The following SOD2 variants were observed in gnomAD, a reference collection of about 807,000 sequenced individuals.
The protein encoded by SOD2 is superoxide dismutase [Mn], mitochondrial.
A neutral mutation model predicts 27.0 loss-of-function variants in SOD2; 11 were observed. That is an observed-to-expected ratio of 0.41 (90% confidence interval 0.26 to 0.67). The LOEUF is 0.67. Among genes scored for constraint, SOD2 ranks in the 30% least tolerant of loss-of-function variants. SOD2 has a pLI of 0.34. For synonymous variants in SOD2, 105 were observed against 103.0 expected, an observed-to-expected ratio of 1.02 and a Z score of -0.12; for missense variants, 250 against 274.5, an observed-to-expected ratio of 0.91 and a Z score of 0.63.
At chr6:159,721,617 C>G (rs1348628826) in intron 1 of SOD2, among the ~76,000 whole-genome samples, 1 of 151,616 alleles carries the variant, frequency 6.6e-6, no homozygotes, top group Non-Finnish European at 1.5e-5. Flanking sequence ...ATCTGCCTGC[C>G]TTGGCCTCCC....
In SOD2 at chr6:159,672,608, G is replaced by A. The variant is rs1447735042; in HGVS notation, c.*9885C>T. The A allele has an allele frequency of 1.3e-5, 2 of 152,142 alleles. No individual in the cohort carries two copies. Among genetic ancestry groups the A allele is most frequent in the Non-Finnish European group, 2.9e-5 (2 of 68,034 alleles). 9.4% of individuals were successfully genotyped at this position (152,142 alleles called of 1,614,324 possible). ...CTGAAGGAAGCACTAAACATGGAAT[G>A]GAACAACCAGTATCAGCCACTGCAA... On this transcript the variant is annotated 3_prime_UTR_variant, in exon 5 of 5. Coordinates refer to ENST00000538183, the MANE Select transcript of SOD2 (RefSeq NM_000636.4).
intron 1 of SOD2, among the ~76,000 whole-genome samples, chr6:159,732,870 C>G (rs961410290): frequency 3.9e-5 from 5 of 127,180 alleles, no homozygotes; most frequent in African/African-American, 1.8e-4. Context: ...CTCTCTCTCT[C>G]TCTGTATATA....
rs144484143 is a variant in SOD2 at position 159,711,246 on chromosome 6, T to C, written c.-116+15883A>G. Among the ~76,000 whole-genome samples, 244 of 26,498 alleles carry C rather than the reference T, an allele frequency of 9.2e-3. 25 individuals carry two copies. Among genetic ancestry groups the C allele is most frequent in the Non-Finnish European group, 0.012 (175 of 15,110 alleles). 17.4% of individuals were successfully genotyped at this position (26,498 alleles called of 152,430 possible). A position where few individuals can be genotyped will look rare whatever the true frequency, so the allele number is the denominator to read the frequency against. On this transcript the variant is annotated intron_variant, in intron 1 of 2. Transcript: ENST00000401980. ...ACCACCTCCACAACCACCACTCACA[T>C]TGCTCTGATCACCATAACCACCTCC...
At chr6:159,728,483 A>G (rs192455060), upstream of SOD2, among the ~76,000 whole-genome samples, 205 of 152,346 alleles carry the variant, frequency 1.3e-3, no homozygotes, top group African/African-American at 4.7e-3. Context: ...GTATGTTACA[A>G]TTGGAAGTTG....
chr6:159,702,611 T>A (rs543617614), intron 1 of SOD2, among the ~76,000 whole-genome samples: 2 of 134,564 alleles, frequency 1.5e-5, no homozygotes, highest in East Asian at 4.3e-4. Context: ...AAACAATTTT[T>A]TAAAACCTCA....
Position 159,672,591 on chromosome 6 carries a change from A to G in SOD2, c.*9902T>C, listed in dbSNP as rs1162064900. ...CTGCCTTACAAGAGCTCCTGAAGGA[A>G]GCACTAAACATGGAATGGAACAACC... On this transcript the variant is annotated 3_prime_UTR_variant, in exon 5 of 5. Transcript: ENST00000538183. 1.3e-5 allele frequency: 2 copies of G among 152,226 alleles called. No homozygotes were observed. Among genetic ancestry groups the G allele is most frequent in the East Asian group, 3.8e-4 (2 of 5,208 alleles). 9.4% of individuals were successfully genotyped at this position (152,226 alleles called of 1,614,324 possible). A position where few individuals can be genotyped will look rare whatever the true frequency, so the allele number is the denominator to read the frequency against.
intron 1 of SOD2, chr6:159,712,765 A>G (rs1271337392): frequency 2.1e-6 from 1 of 486,734 alleles, no homozygotes; most frequent in Non-Finnish European, 4.1e-6. Flanking sequence ...CACCTCCACA[A>G]CCACCACTCA....
At chr6:159,712,161 C>T (rs534314932) in intron 1 of SOD2, among the ~76,000 whole-genome samples, 2,932 of 44,834 alleles carry the variant, frequency 0.065, 466 homozygotes, top group Admixed American at 0.13. Flanking sequence ...GCTGCTCTGA[C>T]CACCATAACC....
intron 1 of SOD2, chr6:159,713,479 CTG>C (rs1777868853): frequency 3.0e-6 from 2 of 662,490 alleles, no homozygotes; most frequent in East Asian, 2.6e-5. Flanking sequence ...TATTCTTTCC[CTG>C]TGTTTCTTCA....
intron 2 of SOD2, among the ~76,000 whole-genome samples, chr6:159,689,955 G>A (rs1306240844): frequency 7.5e-5 from 11 of 146,952 alleles, no homozygotes; most frequent in Non-Finnish European, 1.5e-4. Context: ...GCAATACTCC[G>A]TCACAGAAAA....
intron 1 of SOD2, among the ~76,000 whole-genome samples, chr6:159,721,118 A>G (rs933291700): frequency 4.7e-5 from 7 of 149,974 alleles, no homozygotes; most frequent in Admixed American, 1.3e-4. Context: ...CCCAGGCTGG[A>G]GTGCAATGGC....
intron 1 of SOD2, chr6:159,753,629 T>A: frequency 6.3e-7 from 1 of 1,590,052 alleles, no homozygotes; most frequent in Non-Finnish European, 8.6e-7. Context: ...GGGGTTTGTT[T>A]CTTTTTGGAA....
Position 159,682,489 on chromosome 6 carries a change from T to C in SOD2, c.*4A>G. On this transcript the variant is annotated 3_prime_UTR_variant, in exon 5 of 5. Transcript: ENST00000538183. ...CTTAACATACTCAGCATAACGATCG[T>C]GGTTTACTTTTTGCAAGCCATGTAT... is the stretch of plus-strand genomic sequence containing the variant. 6.2e-7 allele frequency: 1 copy of C among 1,613,218 alleles called. No individual in the cohort carries two copies. Among genetic ancestry groups the C allele is most frequent in the Non-Finnish European group, 8.5e-7 (1 of 1,179,558 alleles).
chr6:159,749,108 T>C (rs1426026828), upstream of SOD2: 5 of 986,350 alleles, frequency 5.1e-6, no homozygotes, highest in Non-Finnish European at 3.6e-6. Flanking sequence ...GTTTGTTCTT[T>C]GAATGGTTGC....
At chr6:159,729,571 T>A (rs916208923), upstream of SOD2, among the ~76,000 whole-genome samples, 3 of 134,120 alleles carry the variant, frequency 2.2e-5, no homozygotes, top group Non-Finnish European at 4.6e-5. Context: ...CATATTTTAT[T>A]TGAAAAATCT....
At chr6:159,706,369 A>G (rs1777627115) in intron 1 of SOD2, among the ~76,000 whole-genome samples, 1 of 152,152 alleles carries the variant, frequency 6.6e-6, no homozygotes, top group Admixed American at 6.6e-5. Flanking sequence ...TATTCAGGAA[A>G]CCCATCTCAC....
rs766174051 is a variant in SOD2 at position 159,742,054 on chromosome 6, C to T, written c.-116+3076G>A. On this transcript the variant is annotated intron_variant, in intron 1 of 3. Transcript: ENST00000537657. ...TAGTTTATTTAATAAACTATTTTAT[C>T]GTAACAACTAATGTATGGATTTTTT... 32 of 1,440,666 alleles carry T rather than the reference C, an allele frequency of 2.2e-5. No individual in the cohort carries two copies. In the African/African-American group the frequency reaches 2.7e-4, roughly 12 times the overall value. The allele number at this position is 1,440,666 out of a possible 1,614,324, so 89.2% of individuals were successfully genotyped here. A position where few individuals can be genotyped will look rare whatever the true frequency, so the allele number is the denominator to read the frequency against.
chr6:159,725,673 T>C (rs901364553), intron 1 of SOD2: 2 of 151,838 alleles, frequency 1.3e-5, no homozygotes, highest in African/African-American at 4.8e-5. Flanking sequence ...CCCCCACTCT[T>C]TATAGGCAAC....
intron 2 of SOD2, 43 bp downstream of exon 2, chr6:159,692,618 C>A: frequency 6.2e-7 from 1 of 1,607,448 alleles, no homozygotes; most frequent in Non-Finnish European, 8.5e-7. Context: ...CCTGGGGTCG[C>A]CTCTGCCGGG....
Sources: gnomAD v4.1 joint callset for allele counts (sites outside exome capture counted in the v4.1 genomes callset) on GRCh38, gnomAD v4.1.1 for gene constraint, MANE v1.5 for transcripts, NCBI Gene and HGNC (gene_info 2026-07-23, HGNC 2026-07-21) for gene names.